The following LDB2 variants were observed in gnomAD, a reference collection of about 807,000 sequenced individuals.
The protein encoded by LDB2 is LIM domain binding 2.
Under a neutral mutation model 44.3 loss-of-function variants are expected in LDB2, and 12 were observed. The observed-to-expected ratio is 0.27, with a 90% CI of 0.17 to 0.44. The LOEUF is 0.44. Ranked by LOEUF, LDB2 falls within the 20% of genes least tolerant of loss-of-function variation. LDB2 has a pLI of 1.00. For synonymous variants in LDB2, 164 were observed against 174.8 expected (o/e 0.94, Z 0.49); for missense variants, 344 against 473.5 (o/e 0.73, Z 2.54).
chr4:16,757,728 T>A (rs1766965713), intron 2 of LDB2, among the ~76,000 whole-genome samples: 1 of 152,136 alleles, frequency 6.6e-6, no homozygotes, highest in Non-Finnish European at 1.5e-5. Context: ...GTCGGACTGC[T>A]GAGTTCATTT....
intron 2 of LDB2, among the ~76,000 whole-genome samples, chr4:16,613,578 T>C (rs1188024758): frequency 6.6e-6 from 1 of 152,130 alleles, no homozygotes; most frequent in East Asian, 1.9e-4. Flanking sequence ...AGTCTCAGGA[T>C]ACAAAATCAA....
chr4:16,574,332 C>T (rs1560517165), intron 5 of LDB2, among the ~76,000 whole-genome samples: 1 of 152,170 alleles, frequency 6.6e-6, no homozygotes, highest in East Asian at 1.9e-4. Flanking sequence ...AATGATTATA[C>T]ATATGTGATA....
chr4:16,622,732 C>A (rs945328128), intron 2 of LDB2, among the ~76,000 whole-genome samples: 1 of 152,172 alleles, frequency 6.6e-6, no homozygotes. Context: ...TGCTGAGAAA[C>A]TAAGATGGGA....
At chr4:16,789,670 C>A (rs775994507) in intron 1 of LDB2, among the ~76,000 whole-genome samples, 7 of 152,206 alleles carry the variant, frequency 4.6e-5, no homozygotes, top group Non-Finnish European at 8.8e-5. Context: ...TGGCTCATGC[C>A]TGTAATCCCA....
intron 2 of LDB2, among the ~76,000 whole-genome samples, chr4:16,722,876 C>T (rs112363937): frequency 1.3e-5 from 2 of 152,208 alleles, no homozygotes; most frequent in African/African-American, 4.8e-5. Context: ...ATGATGGTTC[C>T]ACTTATGATT....
rs569855792 is a variant in LDB2, at chr4:16,681,851, G to A, written c.235+77307C>T. Among the ~76,000 whole-genome samples the A allele has an allele frequency of 1.1e-4, 17 of 152,102 alleles. No individual in the cohort carries two copies. The South Asian group carries it at 1.2e-3, about 11-fold the overall frequency. On this transcript the variant is annotated intron_variant, in intron 2 of 7. Coordinates refer to ENST00000304523, the MANE Select transcript of LDB2 (RefSeq NM_001290.5). ...CTCCCAAAGTGCTGGGATTACAGGC[G>A]TGAGCGACTGTGCCCGGCCTCTATT... is the stretch of plus-strand genomic sequence containing the variant.
intron 5 of LDB2, among the ~76,000 whole-genome samples, chr4:16,565,611 C>A (rs144524281): frequency 6.6e-6 from 1 of 151,682 alleles, no homozygotes; most frequent in Non-Finnish European, 1.5e-5. Context: ...CACTATTATT[C>A]AACATTTTTT....
At chr4:16,830,059 C>T (rs540313431) in intron 1 of LDB2, among the ~76,000 whole-genome samples, 2 of 151,984 alleles carry the variant, frequency 1.3e-5, no homozygotes, top group South Asian at 2.1e-4. Context: ...GGGCTGAGAT[C>T]GAGATCTCAC....
chr4:16,552,276 A>G (rs1205539872), intron 5 of LDB2, among the ~76,000 whole-genome samples: 1 of 152,168 alleles, frequency 6.6e-6, no homozygotes, highest in Admixed American at 6.5e-5. Context: ...GTGACCCAGG[A>G]GTGTGTACAA....
chr4:16,597,442 T>C (rs1325870054), intron 2 of LDB2, among the ~76,000 whole-genome samples: 1 of 152,212 alleles, frequency 6.6e-6, no homozygotes, highest in Non-Finnish European at 1.5e-5. Context: ...GAGTCCACCA[T>C]GTCCTTTAAC....
intron 5 of LDB2, among the ~76,000 whole-genome samples, chr4:16,547,669 A>G (rs1736233502): frequency 6.6e-6 from 1 of 152,118 alleles, no homozygotes; most frequent in Admixed American, 6.6e-5. Flanking sequence ...CAACCAACCT[A>G]GACCCTAATT....
chr4:16,841,971 C>A (rs561887480), intron 1 of LDB2, among the ~76,000 whole-genome samples: 29 of 152,256 alleles, frequency 1.9e-4, no homozygotes, highest in Non-Finnish European at 2.9e-4. Context: ...GCCATCAAGA[C>A]CCTCATGGAA....
intron 2 of LDB2, among the ~76,000 whole-genome samples, chr4:16,633,925 A>C (rs1359145558): frequency 6.6e-6 from 1 of 152,216 alleles, no homozygotes; most frequent in Non-Finnish European, 1.5e-5. Context: ...ATATAGACCA[A>C]TGGAACAGAA....
At chr4:16,738,510 C>T (rs1405260180) in intron 2 of LDB2, among the ~76,000 whole-genome samples, 3 of 152,150 alleles carry the variant, frequency 2.0e-5, no homozygotes, top group African/African-American at 4.8e-5. Flanking sequence ...TAAAAGCTAC[C>T]GCTTAGCCTT....
At chr4:16,837,627 C>G (rs1785109118) in intron 1 of LDB2, among the ~76,000 whole-genome samples, 2 of 152,314 alleles carry the variant, frequency 1.3e-5, no homozygotes, top group Middle Eastern at 3.4e-3. Context: ...AGACACATAG[C>G]CCAACCAACA....
intron 2 of LDB2, among the ~76,000 whole-genome samples, chr4:16,639,748 C>T (rs958446405): frequency 1.3e-5 from 2 of 152,210 alleles, no homozygotes; most frequent in Non-Finnish European, 2.9e-5. Flanking sequence ...GCGTGAGCCA[C>T]CGTACCCAGA....
chr4:16,637,156 T>C (rs1733816655), intron 2 of LDB2, among the ~76,000 whole-genome samples: 1 of 152,142 alleles, frequency 6.6e-6, no homozygotes, highest in Non-Finnish European at 1.5e-5. Flanking sequence ...CCAGGGAAAA[T>C]ATTCACAAAT....
chr4:16,664,957 C>G (rs1742642459), intron 2 of LDB2, among the ~76,000 whole-genome samples: 1 of 152,176 alleles, frequency 6.6e-6, no homozygotes, highest in South Asian at 2.1e-4. Context: ...TCTGCATTGG[C>G]TAGGCCTAAC....
intron 2 of LDB2, among the ~76,000 whole-genome samples, chr4:16,599,142 C>T (rs1560591104): frequency 6.6e-6 from 1 of 152,164 alleles, no homozygotes; most frequent in African/African-American, 2.4e-5. Flanking sequence ...TTACCACCAA[C>T]ATAGTGGCCT....
Sources: gnomAD v4.1 joint callset for allele counts (sites outside exome capture counted in the v4.1 genomes callset) on GRCh38, gnomAD v4.1.1 for gene constraint, MANE v1.5 for transcripts, NCBI Gene and HGNC (gene_info 2026-07-23, HGNC 2026-07-21) for gene names.